KCNMB2: variants seen among roughly 807,000 people sequenced by gnomAD.
The protein encoded by KCNMB2 is calcium-activated potassium channel subunit beta-2.
Under a neutral mutation model 24.5 loss-of-function variants are expected in KCNMB2, and 9 were observed. That is an observed-to-expected ratio of 0.37 (90% CI 0.22 to 0.64). KCNMB2 has a LOEUF of 0.64. Among genes scored for constraint, KCNMB2 ranks in the 30% least tolerant of loss-of-function variants. KCNMB2 has a pLI of 0.63. For synonymous variants in KCNMB2, 109 were observed against 104.4 expected, an observed-to-expected ratio of 1.04 and a Z score of -0.27; for missense variants, 226 against 284.3, an observed-to-expected ratio of 0.79 and a Z score of 1.47.
At chr3:178,758,183 C>A (rs1294274177) in intron 1 of KCNMB2, among the ~76,000 whole-genome samples, 3 of 31,928 alleles carry the variant, frequency 9.4e-5, no homozygotes, top group Admixed American at 3.4e-4. Flanking sequence ...TATATATATC[C>A]AAGGGGATAT....
chr3:178,786,545 T>G (rs1037128288), intron 1 of KCNMB2, among the ~76,000 whole-genome samples: 19 of 152,078 alleles, frequency 1.2e-4, no homozygotes, highest in African/African-American at 4.6e-4. Flanking sequence ...TTAACAAGGA[T>G]CAGTGGAGGA....
chr3:178,754,843 T>C (rs1723972599), intron 1 of KCNMB2, among the ~76,000 whole-genome samples: 1 of 152,220 alleles, frequency 6.6e-6, no homozygotes, highest in Non-Finnish European at 1.5e-5. Flanking sequence ...CCTGCAGCTT[T>C]ACAGACAGCT....
chr3:178,782,737 A>G (rs1712917926), intron 1 of KCNMB2, among the ~76,000 whole-genome samples: 1 of 151,104 alleles, frequency 6.6e-6, no homozygotes, highest in Non-Finnish European at 1.5e-5. Flanking sequence ...CCCATTTTGT[A>G]GTTTGCCTGT....
intron 2 of KCNMB2, among the ~76,000 whole-genome samples, chr3:178,819,894 C>T (rs993185077): frequency 3.3e-5 from 5 of 151,906 alleles, no homozygotes; most frequent in South Asian, 2.1e-4. Context: ...TATTCACAAA[C>T]GTATTCAAGA....
At chr3:178,555,754 C>T (rs1483628025) in intron 1 of KCNMB2, among the ~76,000 whole-genome samples, 1 of 152,162 alleles carries the variant, frequency 6.6e-6, no homozygotes, top group Admixed American at 6.5e-5. Flanking sequence ...GAAAGCATAT[C>T]ATCTCTGACA....
intron 1 of KCNMB2, among the ~76,000 whole-genome samples, chr3:178,785,261 A>G (rs1272619709): frequency 1.3e-5 from 2 of 152,078 alleles, no homozygotes; most frequent in African/African-American, 4.8e-5. Context: ...AATGATAACT[A>G]TTGTGCTCAA....
At chr3:178,662,689 T>C (rs1720577067) in intron 1 of KCNMB2, among the ~76,000 whole-genome samples, 1 of 152,084 alleles carries the variant, frequency 6.6e-6, no homozygotes, top group South Asian at 2.1e-4. Context: ...ATAACAAATA[T>C]GAAAAAATTA....
intron 1 of KCNMB2, among the ~76,000 whole-genome samples, chr3:178,565,612 G>T (rs981873025): frequency 6.6e-6 from 1 of 152,182 alleles, no homozygotes; most frequent in East Asian, 1.9e-4. Flanking sequence ...TAAGAGTGTC[G>T]TTCTTTAGAG....
chr3:178,802,522 T>TA (rs1713812475), intron 1 of KCNMB2, among the ~76,000 whole-genome samples: 1 of 152,096 alleles, frequency 6.6e-6, no homozygotes, highest in South Asian at 2.1e-4. Flanking sequence ...TAGAAGCTTC[T>TA]AGAAACAGAA....
chr3:178,716,329 G>A (rs1231656596), intron 1 of KCNMB2, among the ~76,000 whole-genome samples: 1 of 152,072 alleles, frequency 6.6e-6, no homozygotes, highest in African/African-American at 2.4e-5. Flanking sequence ...ACAACCTCAT[G>A]AGCTACATAC....
chr3:178,807,307 T>C (rs1046329640), intron 1 of KCNMB2, 36 bp from the exon 2 acceptor site: 5 of 862,978 alleles, frequency 5.8e-6, no homozygotes, highest in African/African-American at 5.0e-5. Context: ...CTGAGAGCTA[T>C]TTGTTGCTGT....
rs10677144 is a variant in KCNMB2, at chr3:178,586,538, C to CTTTTTTTTTTTTTTTTTTTTTTTTTTTT, written c.-68+49852_-68+49853insTTTTTTTTTTTTTTTTTTTTTTTTTTTT. 1.2e-4 allele frequency among the ~76,000 whole-genome samples: 8 copies of CTTTTTTTTTTTTTTTTTTTTTTTTTTTT among 68,500 alleles called. 1 individual carries two copies. Among genetic ancestry groups the CTTTTTTTTTTTTTTTTTTTTTTTTTTTT allele is most frequent in the Admixed American group, 2.5e-4 (1 of 3,988 alleles). 44.9% of individuals were successfully genotyped at this position (68,500 alleles called of 152,430 possible). On this transcript the variant is annotated intron_variant, in intron 1 of 4. Transcript: ENST00000452583. ...ATTTTCTTTTCTTTTTTTTTTCTTT[C>CTTTTTTTTTTTTTTTTTTTTTTTTTTTT]TTTTTTTTTTTTTTTTTTTTTTTTT...
At chr3:178,737,062 G>A (rs146845931) in intron 1 of KCNMB2, among the ~76,000 whole-genome samples, 2,335 of 152,264 alleles carry the variant, frequency 0.015, 38 homozygotes, top group Non-Finnish European at 0.024. Flanking sequence ...TTGAGGGCAG[G>A]AGTTCAAGAC....
intron 1 of KCNMB2, among the ~76,000 whole-genome samples, chr3:178,714,342 C>A (rs1337273970): frequency 6.6e-6 from 1 of 152,196 alleles, no homozygotes; most frequent in African/African-American, 2.4e-5. Context: ...GACCCTCAAA[C>A]AAGTAAGTTA....
At chr3:178,607,065 T>C (rs1388023895) in intron 1 of KCNMB2, among the ~76,000 whole-genome samples, 1 of 152,218 alleles carries the variant, frequency 6.6e-6, no homozygotes, top group Non-Finnish European at 1.5e-5. Context: ...GGTAGTTTAT[T>C]ATAGCAGCCT....
At chr3:178,636,421 C>T (rs1719524491) in intron 1 of KCNMB2, among the ~76,000 whole-genome samples, 1 of 152,108 alleles carries the variant, frequency 6.6e-6, no homozygotes, top group South Asian at 2.1e-4. Flanking sequence ...AAGTAAGAGG[C>T]ACAAGTAACA....
intron 1 of KCNMB2, among the ~76,000 whole-genome samples, chr3:178,739,102 GAA>G (rs35023195): frequency 0.013 from 1,904 of 142,172 alleles, 43 homozygotes; most frequent in African/African-American, 0.044. Flanking sequence ...CTAAATAACA[GAA>G]AAAAAAAAAA....
At chr3:178,635,321 A>G (rs1414073058) in intron 1 of KCNMB2, among the ~76,000 whole-genome samples, 6 of 152,030 alleles carry the variant, frequency 3.9e-5, no homozygotes, top group Non-Finnish European at 8.8e-5. Flanking sequence ...AGGCCTGGGG[A>G]CATACATGTT....
chr3:178,614,247 T>TTATATATATATATATATATATATA (rs776751246), intron 1 of KCNMB2, among the ~76,000 whole-genome samples: 30 of 53,462 alleles, frequency 5.6e-4, no homozygotes, highest in East Asian at 1.2e-3. Context: ...TGGGCTAATT[T>TTATATATATATATATATATATATA]TATATATATA....
Sources: allele counts gnomAD v4.1 joint callset (sites outside exome capture counted in the v4.1 genomes callset), GRCh38; gene constraint gnomAD v4.1.1; transcripts MANE v1.5; gene names NCBI Gene and HGNC (gene_info 2026-07-23, HGNC 2026-07-21).